Variants in PLEKHA5 observed in about 807,000 individuals in gnomAD.
PLEKHA5 encodes the protein pleckstrin homology domain-containing family A member 5.
In PLEKHA5, 55 loss-of-function variants were observed where a neutral mutation model predicts 181.9. That is an observed-to-expected ratio of 0.30 (90% CI 0.24 to 0.38). The LOEUF (loss-of-function observed/expected upper bound fraction) is 0.38, where lower values mean the gene tolerates loss of function less well. Ranked by LOEUF, PLEKHA5 falls within the 10% of genes least tolerant of loss-of-function variation. PLEKHA5 has a pLI of 1.00. For missense variants in PLEKHA5, 1,432 were observed against 1,549.5 expected (o/e 0.92, Z 1.27); for synonymous variants, 535 against 529.4 (o/e 1.01, Z -0.15).
intron 3 of PLEKHA5, among the ~76,000 whole-genome samples, chr12:19,238,511 G>A (rs1046176190): frequency 1.3e-5 from 2 of 152,056 alleles, no homozygotes; most frequent in African/African-American, 4.8e-5. Context: ...AGAATTTTCA[G>A]ATTCCAACTA....
At chr12:19,195,294 T>TC (rs113930606) in intron 3 of PLEKHA5, among the ~76,000 whole-genome samples, 5 of 151,996 alleles carry the variant, frequency 3.3e-5, no homozygotes, top group Admixed American at 3.3e-4. Context: ...AACCCCTTTT[T>TC]CCCCCCATTT....
In PLEKHA5 at chr12:19,269,866, C is replaced by G. The variant is rs200531734; in HGVS notation, c.808C>G (p.Gln270Glu). The change falls in exon 9 of 32, where the codon CAG (glutamine) becomes GAG (glutamate). Residue 270 changes from glutamine to glutamate, a missense_variant. Coordinates refer to ENST00000429027, the MANE Select transcript of PLEKHA5 (RefSeq NM_001256470.2). ...AGCCATGTTAGATGCTGCCCTAGTA[C>G]AGACAGAACCTGTGAAAAGGTAAAG... Reference protein sequence around the residue: ...MKAMLDAALVQTEPVKRITFN... With the variant: ...MKAMLDAALVETEPVKRITFN... 6 of 1,573,924 alleles carry G rather than the reference C, an allele frequency of 3.8e-6. No individual in the cohort carries two copies. Among genetic ancestry groups the G allele is most frequent in the Non-Finnish European group, 5.2e-6 (6 of 1,143,988 alleles).
intron 3 of PLEKHA5, among the ~76,000 whole-genome samples, chr12:19,247,755 T>A (rs541559793): frequency 1.0e-3 from 150 of 144,210 alleles, no homozygotes; most frequent in East Asian, 4.4e-3. Flanking sequence ...TTTCTTTTTT[T>A]AAAAAAAAAA....
intron 3 of PLEKHA5, among the ~76,000 whole-genome samples, chr12:19,207,088 G>C (rs2055734903): frequency 6.6e-6 from 1 of 151,978 alleles, no homozygotes; most frequent in Non-Finnish European, 1.5e-5. Context: ...AATCTATAAA[G>C]TCCTCTGTAG....
intron 29 of PLEKHA5, among the ~76,000 whole-genome samples, chr12:19,362,709 A>G (rs992030392): frequency 3.9e-5 from 6 of 152,084 alleles, no homozygotes; most frequent in South Asian, 2.1e-4. Flanking sequence ...GCAGTGAGCC[A>G]TGATCACGTT....
chr12:19,157,512 G>A (rs556170993), intron 3 of PLEKHA5, among the ~76,000 whole-genome samples: 16 of 151,886 alleles, frequency 1.1e-4, no homozygotes, highest in East Asian at 3.9e-4. Flanking sequence ...ATTTAAATCC[G>A]AAACTATTTT....
At chr12:19,165,867 A>G (rs1188181254) in intron 3 of PLEKHA5, among the ~76,000 whole-genome samples, 2 of 152,228 alleles carry the variant, frequency 1.3e-5, no homozygotes, top group Non-Finnish European at 2.9e-5. Flanking sequence ...AGTACAGTAC[A>G]TCCTCACTTA....
At chr12:19,257,622 A>G in intron 6 of PLEKHA5, 85 bp downstream of exon 6, 1 of 767,026 alleles carries the variant, frequency 1.3e-6, no homozygotes, top group Non-Finnish European at 2.2e-6. Flanking sequence ...ATTCTATAAA[A>G]TCATAAAATT....
intron 3 of PLEKHA5, among the ~76,000 whole-genome samples, chr12:19,195,547 G>A (rs2052468474): frequency 6.6e-6 from 1 of 151,686 alleles, no homozygotes; most frequent in African/African-American, 2.4e-5. Flanking sequence ...GCACACACCT[G>A]TAGTCTCAGC....
chr12:19,307,204 G>A (rs2084226181), intron 15 of PLEKHA5: 2 of 610,322 alleles, frequency 3.3e-6, no homozygotes, highest in Non-Finnish European at 6.0e-6. Flanking sequence ...CCCACATGGT[G>A]GCTCAGGCCA....
At chr12:19,273,861 T>C (rs721516) in intron 10 of PLEKHA5, among the ~76,000 whole-genome samples, 131,191 of 152,160 alleles carry the variant, frequency 0.86, 58,051 homozygotes, top group Middle Eastern at 0.98. Context: ...AACCCTCTGA[T>C]CTTGGTGGCA....
chr12:19,348,644 T>C, intron 25 of PLEKHA5, 125 bp downstream of exon 25: 1 of 598,730 alleles, frequency 1.7e-6, no homozygotes, highest in Non-Finnish European at 2.7e-6. Context: ...TCTGAAACCT[T>C]TGGACTCTGA....
chr12:19,278,174 G>T (rs2075115916), intron 11 of PLEKHA5, among the ~76,000 whole-genome samples: 1 of 152,140 alleles, frequency 6.6e-6, no homozygotes, highest in African/African-American at 2.4e-5. Flanking sequence ...TTCCCCAAAT[G>T]TGGTTCCAAA....
At chr12:19,153,652 T>G (rs1591829677) in intron 3 of PLEKHA5, 1 of 152,182 alleles carries the variant, frequency 6.6e-6, no homozygotes, top group Admixed American at 6.5e-5. Context: ...ACTCTTGGTG[T>G]TGTGTGTTCA....
chr12:19,290,791 C>T lies in PLEKHA5; in HGVS notation c.1978C>T (p.Pro660Ser). The T allele has an allele frequency of 2.0e-6, 3 of 1,533,118 alleles. No homozygotes were observed. Among genetic ancestry groups the T allele is most frequent in the Middle Eastern group, 1.7e-4 (1 of 5,976 alleles). The allele number at this position is 1,533,118 out of a possible 1,614,324, so 95.0% of individuals were successfully genotyped here. Residue 660 changes from proline (P) to serine (S), a missense_variant, in exon 14 of 32, where the codon CCA (proline) becomes TCA (serine). Pro to Ser is a moderately conservative substitution (Grantham distance 74). This residue lies in a region of PLEKHA5 where 1,143 missense variants were observed against 1,168.4 expected (regional missense o/e 0.98). Transcript: ENST00000429027. ...GCAGCTAAAGCTTGAGGCCCACAGC[C>T]CAAAGGTCAGCTATGGAGAGATTTG... ...LMQLKLEAHS[P>S]KNEILSHHLQ... is the part of the protein sequence containing the mutation.
chr12:19,222,164 T>C (rs1030120836), intron 3 of PLEKHA5, among the ~76,000 whole-genome samples: 6 of 152,100 alleles, frequency 3.9e-5, no homozygotes, highest in Admixed American at 3.9e-4. Flanking sequence ...TTTGTATACA[T>C]ACTTATATAT....
At chr12:19,207,899 G>C (rs1257145709) in intron 3 of PLEKHA5, among the ~76,000 whole-genome samples, 1 of 152,124 alleles carries the variant, frequency 6.6e-6, no homozygotes. Flanking sequence ...TAGTAGATAA[G>C]GTGATTGTAA....
chr12:19,285,718 G>GT (rs1189511657), intron 12 of PLEKHA5, among the ~76,000 whole-genome samples: 2 of 152,126 alleles, frequency 1.3e-5, no homozygotes, highest in Non-Finnish European at 2.9e-5. Flanking sequence ...AAAAAATAAA[G>GT]TATCAGGTTC....
At chr12:19,137,408 G>A (rs558495010) in intron 3 of PLEKHA5, among the ~76,000 whole-genome samples, 20 of 152,236 alleles carry the variant, frequency 1.3e-4, no homozygotes, top group Middle Eastern at 3.4e-3. Flanking sequence ...CACTTTGTGG[G>A]CATTATATTT....
Sources: gnomAD v4.1 joint callset for allele counts (sites outside exome capture counted in the v4.1 genomes callset) on GRCh38, gnomAD v4.1.1 for gene constraint, gnomAD v4.1.1 regional missense constraint, MANE v1.5 for transcripts, NCBI Gene and HGNC (gene_info 2026-07-23, HGNC 2026-07-21) for gene names.